The following TUBGCP2 variants were observed in gnomAD, a reference collection of about 807,000 sequenced individuals.
TUBGCP2 encodes the protein tubulin gamma complex component 2, also known as gamma-tubulin complex component 2.
TUBGCP2 carries 55 observed loss-of-function variants against 92.2 expected under a neutral mutation model. The ratio of observed to expected loss-of-function variants is 0.60; its 90% CI spans 0.48 to 0.75. TUBGCP2 has a LOEUF of 0.75. TUBGCP2 is among the 30% of genes least tolerant of loss of function. The pLI is 0.00. For synonymous variants in TUBGCP2, 533 were observed against 505.2 expected (o/e 1.06, Z -0.74); for missense variants, 1,093 against 1,188.9 (o/e 0.92, Z 1.19).
At position 133,281,254 on chromosome 10, in the gene TUBGCP2, C is replaced by T. The variant is rs187747373; in HGVS notation, c.2573+19G>A. On this transcript the variant is annotated intron_variant, in intron 17 of 17. Transcript: ENST00000252936. ...GGACTGAGCTGAGGAAGGGCTGAGCCGGGGTGGCGCCCACCCACCTGGAGA... is the reference window on the plus strand; with the variant it reads ...GGACTGAGCTGAGGAAGGGCTGAGCTGGGGTGGCGCCCACCCACCTGGAGA... 40 of 1,606,622 alleles carry T rather than the reference C, an allele frequency of 2.5e-5. No homozygotes were observed. The highest frequency in any genetic ancestry group is 1.1e-4 in the African/African-American group (8 of 74,942).
At chr10:133,283,306 G>A (rs1001686465) in intron 14 of TUBGCP2, 85 bp from the exon 15 acceptor site, 6 of 1,577,472 alleles carry the variant, frequency 3.8e-6, no homozygotes, top group Middle Eastern at 3.8e-4. Flanking sequence ...TTCTGGCTTT[G>A]TGCATTCCTG....
At chr10:133,296,312 T>C (rs1847486512) in intron 5 of TUBGCP2, among the ~76,000 whole-genome samples, 1 of 152,160 alleles carries the variant, frequency 6.6e-6, no homozygotes, top group African/African-American at 2.4e-5. Flanking sequence ...GGCCCCGCGC[T>C]TCCTTCTCCG....
chr10:133,309,300 G>A (rs1847927820), upstream of TUBGCP2: 6 of 1,485,564 alleles, frequency 4.0e-6, no homozygotes, highest in Non-Finnish European at 5.5e-6. Flanking sequence ...CGGAGCGCGG[G>A]ATGACTGGGG....
chr10:133,303,135 C>G (rs1847716840), intron 1 of TUBGCP2, among the ~76,000 whole-genome samples, 155 bp from the exon 2 acceptor site: 1 of 152,116 alleles, frequency 6.6e-6, no homozygotes, highest in African/African-American at 2.4e-5. Context: ...GCCCAGCAGC[C>G]TCTCAGAGGG....
chr10:133,287,889 T>C (rs1847172497), intron 11 of TUBGCP2, among the ~76,000 whole-genome samples: 2 of 152,150 alleles, frequency 1.3e-5, no homozygotes, highest in Admixed American at 1.3e-4. Context: ...CAGCATGACC[T>C]GAAAGCCAGG....
chr10:133,309,356 A>G (rs775458538), upstream of TUBGCP2: 12 of 1,599,980 alleles, frequency 7.5e-6, no homozygotes, highest in African/African-American at 1.3e-5. Flanking sequence ...GCCGCGAGTC[A>G]CCTGGCCCCG....
chr10:133,293,111 G>C lies in TUBGCP2; in HGVS notation c.952C>G (p.Leu318Val), dbSNP rs1390387674. 1 of 1,613,870 alleles carries C rather than the reference G, an allele frequency of 6.2e-7. No homozygotes were observed. The highest frequency in any genetic ancestry group is 8.5e-7 in the Non-Finnish European group (1 of 1,180,042). The part of the protein sequence containing the change: ...SQLEQLHRQG[L>V]LSLQKLWFYI... ...AACCAGAGCTTCTGCAGCGAAAGGAGGCCCTGCCTGTGCAGCTGCTCCAGC... is the reference window on the plus strand; with the variant it reads ...AACCAGAGCTTCTGCAGCGAAAGGACGCCCTGCCTGTGCAGCTGCTCCAGC... The change falls in exon 7 of 18, where the codon CTC (leucine) becomes GTC (valine). Residue 318 changes from leucine (L) to valine (V), a missense_variant. Around this residue, in one of 3 missense-constraint regions of TUBGCP2, gnomAD observed 490 missense variants for 488.5 expected, o/e 1.00. Transcript: ENST00000252936.
At position 133,292,621 on chromosome 10, in the gene TUBGCP2, G is replaced by A. The variant is rs779034704; in HGVS notation, c.1092C>T (p.Phe364=). Residue 364 remains phenylalanine, a synonymous_variant, in exon 8 of 18, where the codon TTC becomes TTT. Transcript: ENST00000252936. ...GCGCCTGGCTGTCCCCTGTGTAGCTGAAGCTCCTGTCGTGGAGCAGGCTCA... is the reference window on the plus strand; with the variant it reads ...GCGCCTGGCTGTCCCCTGTGTAGCTAAAGCTCCTGTCGTGGAGCAGGCTCA... ...STLSLLHDRS[F]SYTGDSQAQE... is the part of the protein sequence containing the mutation. The A allele has an allele frequency of 1.1e-5, 17 of 1,614,060 alleles. No homozygotes were observed. In the South Asian group the frequency reaches 1.5e-4, roughly 15 times the overall value.
At chr10:133,304,913 G>A (rs1168665650) in intron 1 of TUBGCP2, among the ~76,000 whole-genome samples, 5 of 152,152 alleles carry the variant, frequency 3.3e-5, no homozygotes, top group Admixed American at 6.5e-5. Flanking sequence ...TTGGTCTAGC[G>A]GTGATGCCAG....
rs1044089828 is a variant in TUBGCP2 at position 133,290,321 on chromosome 10, C to A, written c.1215-352G>T. 7 of 201,580 alleles carry A rather than the reference C, an allele frequency of 3.5e-5. No individual in the cohort carries two copies. The South Asian group carries it at 3.8e-4, about 11-fold the overall frequency. The allele number at this position is 201,580 out of a possible 1,614,324, so 12.5% of individuals were successfully genotyped here. On this transcript the variant is annotated intron_variant, in intron 8 of 17. Transcript: ENST00000252936. Reference sequence around the variant, plus strand: ...CATCCTGGCCAACACAGTGAAACCCCGTCTCTACTAAAATACAAAAAATCA... The same window carrying A: ...CATCCTGGCCAACACAGTGAAACCCAGTCTCTACTAAAATACAAAAAATCA...
intron 6 of TUBGCP2, 131 bp from the exon 7 acceptor site, chr10:133,293,369 T>A: frequency 7.9e-7 from 1 of 1,259,704 alleles, no homozygotes; most frequent in Non-Finnish European, 1.1e-6. Context: ...GGGGAACTTT[T>A]GCCCCAGGAG....
intron 2 of TUBGCP2, among the ~76,000 whole-genome samples, chr10:133,300,770 G>C (rs1402475353): frequency 1.3e-5 from 2 of 152,108 alleles, no homozygotes; most frequent in Non-Finnish European, 2.9e-5. Context: ...CCCTGCGCCC[G>C]CCCTTTTATG....
At chr10:133,301,700 C>CTTTTTTTTTTTTTTTTTTTTTTTTT (rs71016439) in intron 2 of TUBGCP2, 2 of 87,212 alleles carry the variant, frequency 2.3e-5, no homozygotes, top group African/African-American at 1.0e-4. Flanking sequence ...CAGTCCCTCC[C>CTTTTTTTTTTTTTTTTTTTTTTTTT]TTTTTTTTTT....
At position 133,288,279 on chromosome 10, in the gene TUBGCP2, CT is replaced by C. The variant is rs1188257999; in HGVS notation, c.1571del (p.Gln524ArgfsTer38). ...CCATGAAGTGCACGAAGAAGTCGCC[CT>C]GGTCCATGAGGAAGTAGCGCTTGAT... ...RSIKRYFLMD[Q>X]GDFFVHFMDL... On this transcript the variant is annotated frameshift_variant, in exon 11 of 18. Transcript: ENST00000252936. LOFTEE classifies it high-confidence loss of function. The C allele has an allele frequency of 6.2e-7, 1 of 1,613,504 alleles. No homozygotes were observed. The highest frequency in any genetic ancestry group is 8.5e-7 in the Non-Finnish European group (1 of 1,179,954).
chr10:133,292,636 G>C lies in TUBGCP2; in HGVS notation c.1077C>G (p.Leu359=). The part of the protein sequence containing the change: ...ECLGGSTLSL[L]HDRSFSYTGD... ...CTGTGTAGCTGAAGCTCCTGTCGTGGAGCAGGCTCAGCGTGGACCCCCCAA... is the reference window on the plus strand; with the variant it reads ...CTGTGTAGCTGAAGCTCCTGTCGTGCAGCAGGCTCAGCGTGGACCCCCCAA... Residue 359 remains leucine (L), a synonymous_variant, in exon 8 of 18, where the codon CTC becomes CTG. Transcript: ENST00000252936. 1 of 1,614,128 alleles carries C rather than the reference G, an allele frequency of 6.2e-7. No homozygotes were observed. The highest frequency in any genetic ancestry group is 2.2e-5 in the East Asian group (1 of 44,882).
At chr10:133,309,242 C>CG, upstream of TUBGCP2, 1 of 855,902 alleles carries the variant, frequency 1.2e-6, no homozygotes, top group East Asian at 4.2e-5. Context: ...GGTGGTGGGG[C>CG]GGGGCCGGAA....
At chr10:133,284,888 G>A (rs554975447) in intron 13 of TUBGCP2, among the ~76,000 whole-genome samples, 197 bp downstream of exon 13, 19 of 152,362 alleles carry the variant, frequency 1.2e-4, no homozygotes, top group Non-Finnish European at 1.9e-4. Flanking sequence ...GGACGGCAGC[G>A]CCGTGCAGCC....
rs1003559032 is a variant in TUBGCP2, at chr10:133,279,985, G to A, written c.2574-84C>T. 8.5e-6 allele frequency: 13 copies of A among 1,537,432 alleles called. No homozygotes were observed. In the Admixed American group the frequency reaches 2.6e-4, roughly 31 times the overall value. Reference sequence around the variant, plus strand: ...AGCAGGGGTGTGGAAGGACGGTGCAGCTAGGGTGCACACCCCTTCTGCGGG... The same window carrying A: ...AGCAGGGGTGTGGAAGGACGGTGCAACTAGGGTGCACACCCCTTCTGCGGG... On this transcript the variant is annotated intron_variant, in intron 17 of 17. Transcript: ENST00000252936.
chr10:133,307,172 G>T (rs1229324321), intron 1 of TUBGCP2, among the ~76,000 whole-genome samples: 1 of 152,216 alleles, frequency 6.6e-6, no homozygotes, highest in Non-Finnish European at 1.5e-5. Context: ...AGCCATGGCC[G>T]CTGACTTGGC....
Sources: gnomAD v4.1 joint callset for allele counts (sites outside exome capture counted in the v4.1 genomes callset) on GRCh38, gnomAD v4.1.1 for gene constraint, gnomAD v4.1.1 regional missense constraint, MANE v1.5 for transcripts, NCBI Gene and HGNC (gene_info 2026-07-23, HGNC 2026-07-21) for gene names.